COL5A1: variants seen among roughly 807,000 people sequenced by gnomAD.
The protein encoded by COL5A1 is collagen alpha-1(V) chain.
COL5A1 carries 16 observed loss-of-function variants against 263.7 expected under a neutral mutation model. The observed-to-expected ratio is 0.06, with a 90% CI of 0.04 to 0.09. COL5A1 has a LOEUF of 0.09. Ranked by LOEUF, COL5A1 falls within the 10% of genes least tolerant of loss-of-function variation. The pLI, the probability that COL5A1 is intolerant of heterozygous loss-of-function variation, is 1.00. For synonymous variants in COL5A1, 1,012 were observed against 1,004.5 expected (o/e 1.01, Z -0.14); for missense variants, 2,036 against 2,540.5 (o/e 0.80, Z 4.27).
intron 25 of COL5A1, among the ~76,000 whole-genome samples, chr9:134,770,076 C>T (rs1046360334): frequency 6.6e-6 from 1 of 152,186 alleles, no homozygotes; most frequent in Admixed American, 6.5e-5. Flanking sequence ...TAGGTGGACC[C>T]CATTCACATG....
At chr9:134,784,948 G>GC (rs1554799365) in intron 29 of COL5A1, 41 bp from the exon 30 acceptor site, 1 of 1,439,518 alleles carries the variant, frequency 6.9e-7, no homozygotes, top group South Asian at 1.1e-5. Flanking sequence ...TAGTGTGTGT[G>GC]CGGGGGGTGG....
At chr9:134,737,682 G>T (rs894368472) in intron 9 of COL5A1, among the ~76,000 whole-genome samples, 4 of 152,200 alleles carry the variant, frequency 2.6e-5, no homozygotes, top group Non-Finnish European at 4.4e-5. Flanking sequence ...GGAAGTGGGG[G>T]TCTCAGGGCA....
At chr9:134,835,461 C>A (rs554724235) in intron 65 of COL5A1, among the ~76,000 whole-genome samples, 1 of 152,190 alleles carries the variant, frequency 6.6e-6, no homozygotes, top group South Asian at 2.1e-4. Context: ...AAGCCAGGGG[C>A]GTGGGTCCCT....
chr9:134,766,959 C>A, intron 22 of COL5A1, 41 bp from the exon 23 acceptor site: 1 of 1,586,066 alleles, frequency 6.3e-7, no homozygotes, highest in Non-Finnish European at 8.6e-7. Flanking sequence ...GGATACAGTT[C>A]CCAGAGCCCC....
chr9:134,719,653 G>C (rs990737034), intron 4 of COL5A1, among the ~76,000 whole-genome samples: 3 of 152,228 alleles, frequency 2.0e-5, no homozygotes, highest in Non-Finnish European at 2.9e-5. Flanking sequence ...GCAGGACAGG[G>C]GCAGGGCGGC....
intron 65 of COL5A1, among the ~76,000 whole-genome samples, chr9:134,836,702 G>T (rs1238199722): frequency 6.6e-6 from 1 of 152,230 alleles, no homozygotes; most frequent in East Asian, 1.9e-4. Context: ...CAGCATCGCT[G>T]CGGAGCACCT....
intron 32 of COL5A1, among the ~76,000 whole-genome samples, chr9:134,793,681 C>T (rs1205805669): frequency 6.6e-6 from 1 of 151,936 alleles, no homozygotes; most frequent in Non-Finnish European, 1.5e-5. Flanking sequence ...AATCTGGCAG[C>T]CCGGGCTCAT....
At chr9:134,799,525 A>T (rs1464819401) in intron 37 of COL5A1, among the ~76,000 whole-genome samples, 2 of 152,228 alleles carry the variant, frequency 1.3e-5, no homozygotes, top group Non-Finnish European at 2.9e-5. Flanking sequence ...GGGTCCCTGC[A>T]GCCAGGTTTC....
At chr9:134,809,141 G>T in intron 42 of COL5A1, 42 bp from the exon 43 acceptor site, 1 of 1,506,940 alleles carries the variant, frequency 6.6e-7, no homozygotes, top group South Asian at 1.2e-5. Flanking sequence ...GATGTTCCCA[G>T]GTTGGAGCCA....
Position 134,805,040 on chromosome 9 carries a change from G to A in COL5A1, c.3180G>A (p.Gly1060=), listed in dbSNP as rs747949045. 2 of 1,613,984 alleles carry A rather than the reference G, an allele frequency of 1.2e-6. No homozygotes were observed. The highest frequency in any genetic ancestry group is 1.7e-6 in the Non-Finnish European group (2 of 1,180,022). Residue 1060 remains glycine (G), a synonymous_variant, in exon 40 of 66, where the codon GGG becomes GGA. Transcript: ENST00000371817. ...DGPPGLRGFP[G]DRGLPGPVGA... ...CTCCAGGATTACGTGGTTTCCCTGG[G>A]GACCGAGGGCTTCCTGGTCCAGTGG... is the stretch of plus-strand genomic sequence containing the variant.
intron 63 of COL5A1, 113 bp from the exon 64 acceptor site, chr9:134,829,863 C>A (rs770817875): frequency 4.7e-5 from 55 of 1,182,194 alleles, no homozygotes; most frequent in Non-Finnish European, 6.4e-5. Context: ...GCCCCCCCGG[C>A]GTGAGGATGC....
chr9:134,811,232 G>GA, intron 44 of COL5A1, 107 bp from the exon 45 acceptor site: 1 of 969,814 alleles, frequency 1.0e-6, no homozygotes, highest in Non-Finnish European at 1.7e-6. Context: ...AGACTGAACT[G>GA]ACGACGTTGG....
At chr9:134,798,275 G>A in intron 36 of COL5A1, 133 bp from the exon 37 acceptor site, 1 of 818,964 alleles carries the variant, frequency 1.2e-6, no homozygotes. Context: ...TGCCTGCCAG[G>A]TGATTGCTTT....
intron 6 of COL5A1, 26 bp from the exon 7 acceptor site, chr9:134,730,210 C>T: frequency 1.2e-6 from 2 of 1,611,692 alleles, no homozygotes; most frequent in African/African-American, 1.3e-5. Context: ...GCCCTGACTC[C>T]AGCTGTCTCT....
At chr9:134,771,672 C>T (rs1038114767) in intron 25 of COL5A1, among the ~76,000 whole-genome samples, 3 of 152,226 alleles carry the variant, frequency 2.0e-5, no homozygotes, top group Non-Finnish European at 1.5e-5. Context: ...CTCAGATCAA[C>T]GTTAGGCCAC....
chr9:134,767,817 A>G (rs1161349631), intron 24 of COL5A1, among the ~76,000 whole-genome samples: 1 of 152,222 alleles, frequency 6.6e-6, no homozygotes, highest in East Asian at 1.9e-4. Context: ...TCGCTTAACC[A>G]GGCACAAGAT....
chr9:134,660,179 C>T (rs1246189967), intron 1 of COL5A1, among the ~76,000 whole-genome samples: 1 of 152,164 alleles, frequency 6.6e-6, no homozygotes, highest in Non-Finnish European at 1.5e-5. Flanking sequence ...GCCTGATTTC[C>T]AAGTCCACCC....
chr9:134,782,642 G>A lies in COL5A1; in HGVS notation c.2431-25G>A, dbSNP rs41310213. ...GAGGCGGGTCCTCTTGCCTAGACTAGGGCACTCTCTTGTCCCATATTCAGG... is the reference window on the plus strand; with the variant it reads ...GAGGCGGGTCCTCTTGCCTAGACTAAGGCACTCTCTTGTCCCATATTCAGG... On this transcript the variant is annotated intron_variant, in intron 28 of 65. Coordinates refer to ENST00000371817, the MANE Select transcript of COL5A1 (RefSeq NM_000093.5). The A allele has an allele frequency of 0.13, 210,883 of 1,611,960 alleles. 15,020 individuals carry two copies. The highest frequency in any genetic ancestry group is 0.26 in the African/African-American group (19,472 of 74,928).
intron 65 of COL5A1, among the ~76,000 whole-genome samples, chr9:134,837,928 C>A (rs1417362163): frequency 1.3e-5 from 2 of 151,036 alleles, no homozygotes; most frequent in African/African-American, 5.0e-5. Context: ...CTGCAGCATT[C>A]TTCTCACCAT....
Sources: gnomAD v4.1 joint callset for allele counts (sites outside exome capture counted in the v4.1 genomes callset) on GRCh38, gnomAD v4.1.1 for gene constraint, MANE v1.5 for transcripts, NCBI Gene and HGNC (gene_info 2026-07-23, HGNC 2026-07-21) for gene names.